Variants in LRRC41 observed in about 807,000 individuals in gnomAD.
The protein encoded by LRRC41 is leucine-rich repeat-containing protein 41.
LRRC41 carries 17 observed loss-of-function variants against 72.1 expected under a neutral mutation model. That is an observed-to-expected ratio of 0.24 (90% CI 0.16 to 0.35). The LOEUF (loss-of-function observed/expected upper bound fraction) is 0.35, where lower values mean the gene tolerates loss of function less well. Among genes scored for constraint, LRRC41 ranks in the 10% least tolerant of loss-of-function variants. The pLI is 1.00. For missense variants in LRRC41, 759 were observed against 1,065.0 expected (o/e 0.71, Z 4.00); for synonymous variants, 427 against 431.0 (o/e 0.99, Z 0.11).
Position 46,280,174 on chromosome 1 carries a change from T to A in LRRC41, c.2020+18A>T. ...GTGAAGACCCAGGAAATGTCCAGGT[T>A]CTGAATAAGGAACTTACCTTGCAGA... On this transcript the variant is annotated intron_variant, in intron 7 of 9. Transcript: ENST00000617190. 1 of 1,597,600 alleles carries A rather than the reference T, an allele frequency of 6.3e-7. No individual in the cohort carries two copies.
Position 46,286,353 on chromosome 1 carries a change from G to A in LRRC41, c.504C>T (p.Thr168=). The change falls in exon 4 of 10, where the codon ACC becomes ACT. Residue 168 remains threonine, a synonymous_variant. Coordinates refer to ENST00000617190, the MANE Select transcript of LRRC41 (RefSeq NM_006369.5). The surrounding 1 kb of genome is among the most constrained non-coding windows in gnomAD (Gnocchi z 5.5). Reference sequence around the variant, plus strand: ...TTGCACCCTGCAGCATGTTACAGATGGTGAGCTGTCGGACATGGCGGGAGC... The same window carrying A: ...TTGCACCCTGCAGCATGTTACAGATAGTGAGCTGTCGGACATGGCGGGAGC... ...LHSSRHVRQL[T]ICNMLQGATE... 1 of 1,614,248 alleles carries A rather than the reference G, an allele frequency of 6.2e-7. No individual in the cohort carries two copies. Among genetic ancestry groups the A allele is most frequent in the Non-Finnish European group, 8.5e-7 (1 of 1,180,050 alleles).
chr1:46,277,647 C>A lies in LRRC41; in HGVS notation c.*1218G>T, dbSNP rs1375600202. On this transcript the variant is annotated 3_prime_UTR_variant, in exon 10 of 10. Transcript: ENST00000617190. Reference sequence around the variant, plus strand: ...TCATGTCATGTTCTCAGGAGACAGACTGGGAAAATGGACCTCAGCTGAGTA... The same window carrying A: ...TCATGTCATGTTCTCAGGAGACAGAATGGGAAAATGGACCTCAGCTGAGTA... 1.3e-6 allele frequency: 1 copy of A among 752,588 alleles called. No individual in the cohort carries two copies. The highest frequency in any genetic ancestry group is 2.2e-6 in the Non-Finnish European group (1 of 455,964). The allele number at this position is 752,588 out of a possible 1,614,324, so 46.6% of individuals were successfully genotyped here.
intron 2 of LRRC41, among the ~76,000 whole-genome samples, 166 bp downstream of exon 2, chr1:46,298,118 C>T (rs1240896808): frequency 2.0e-5 from 3 of 152,100 alleles, no homozygotes; most frequent in African/African-American, 7.2e-5. Context: ...ATATACTTGG[C>T]TTTGTGTTTC....
At chr1:46,291,122 G>A (rs1219228380) in intron 3 of LRRC41, among the ~76,000 whole-genome samples, 1 of 151,050 alleles carries the variant, frequency 6.6e-6, no homozygotes, top group East Asian at 1.9e-4. Context: ...ATGGGGTTTC[G>A]CCATGTTGGC....
rs777555246 is a variant in LRRC41, at chr1:46,278,021, C to G, written c.*844G>C. 4.3e-6 allele frequency: 7 copies of G among 1,614,082 alleles called. No individual in the cohort carries two copies. Among genetic ancestry groups the G allele is most frequent in the South Asian group, 1.1e-5 (1 of 91,074 alleles). On this transcript the variant is annotated 3_prime_UTR_variant, in exon 10 of 10. Transcript: ENST00000617190. Reference sequence around the variant, plus strand: ...AACCATTATCTCTAAGCTACCCACACAGTAGGGAGATGGGATCTGTAGTGA... The same window carrying G: ...AACCATTATCTCTAAGCTACCCACAGAGTAGGGAGATGGGATCTGTAGTGA...
At chr1:46,296,342 G>A (rs1032473136) in intron 3 of LRRC41, among the ~76,000 whole-genome samples, 19 of 152,156 alleles carry the variant, frequency 1.2e-4, no homozygotes, top group African/African-American at 4.3e-4. Context: ...GCTTGAACCC[G>A]GGAGGCAGAG....
chr1:46,284,782 G>A (rs372566857), intron 4 of LRRC41, among the ~76,000 whole-genome samples: 1 of 152,126 alleles, frequency 6.6e-6, no homozygotes, highest in East Asian at 1.9e-4. Context: ...CACAGTGAAG[G>A]TTCATACGAG....
chr1:46,303,259 T>C lies in LRRC41; in HGVS notation c.64A>G (p.Thr22Ala). 2 of 1,547,336 alleles carry C rather than the reference T, an allele frequency of 1.3e-6. No individual in the cohort carries two copies. Among genetic ancestry groups the C allele is most frequent in the Non-Finnish European group, 1.7e-6 (2 of 1,147,524 alleles). The stretch of plus-strand genomic sequence containing the variant: ...GCCTCCCGGGACGTGGCCTCCATGG[T>C]CGTTGCCGCCGCTACCTCACAGAAC... ...CWFCEVAAAT[T>A]MEATSREAAP... The change falls in exon 1 of 10, where the codon ACC becomes GCC. Residue 22 changes from threonine to alanine, a missense_variant. Thr to Ala is a moderately conservative substitution (Grantham distance 58). Coordinates refer to ENST00000617190, the MANE Select transcript of LRRC41 (RefSeq NM_006369.5).
At position 46,285,182 on chromosome 1, in the gene LRRC41, T is replaced by C. The variant is rs1660859052; in HGVS notation, c.1495+180A>G. Reference sequence around the variant, plus strand: ...TGCTTTCAACAACTAATCAAGTGTATAGACTTTATGTTCCTCTCTTCTAGC... The same window carrying C: ...TGCTTTCAACAACTAATCAAGTGTACAGACTTTATGTTCCTCTCTTCTAGC... On this transcript the variant is annotated intron_variant, in intron 4 of 9. Coordinates refer to ENST00000617190, the MANE Select transcript of LRRC41 (RefSeq NM_006369.5). This position sits in a 1 kb window ranked among gnomAD's most constrained non-coding sequence, Gnocchi z 5.3. The C allele has an allele frequency of 4.6e-6, 3 of 650,430 alleles. No individual in the cohort carries two copies. Among genetic ancestry groups the C allele is most frequent in the African/African-American group, 1.8e-5 (1 of 54,940 alleles). 40.3% of individuals were successfully genotyped at this position (650,430 alleles called of 1,614,324 possible).
intron 2 of LRRC41, among the ~76,000 whole-genome samples, 166 bp from the exon 3 acceptor site, chr1:46,297,799 C>T (rs1661153672): frequency 6.6e-6 from 1 of 152,158 alleles, no homozygotes; most frequent in Non-Finnish European, 1.5e-5. Flanking sequence ...AACTACACTC[C>T]AGCTATGTGA....
In LRRC41 at chr1:46,281,180, A is replaced by G. The variant is rs1660767008; in HGVS notation, c.1701T>C (p.Gly567=). The G allele has an allele frequency of 6.2e-7, 1 of 1,614,166 alleles. No individual in the cohort carries two copies. Among genetic ancestry groups the G allele is most frequent in the Non-Finnish European group, 8.5e-7 (1 of 1,180,000 alleles). The part of the protein sequence containing the change: ...VDHPSQRDNP[G]VPGNAGPPSH... Reference sequence around the variant, plus strand: ...TAGGGGGCCCTGCATTCCCTGGCACACCAGGGTTGTCCCGCTGGCTTGGGT... The same window carrying G: ...TAGGGGGCCCTGCATTCCCTGGCACGCCAGGGTTGTCCCGCTGGCTTGGGT... Residue 567 remains glycine, a synonymous_variant, in exon 5 of 10, where the codon GGT becomes GGC. Coordinates refer to ENST00000617190, the MANE Select transcript of LRRC41 (RefSeq NM_006369.5).
In LRRC41 at chr1:46,279,734, T is replaced by C; in HGVS notation, c.2021-120A>G. ...ATAGAGGCCCAAAAAGAGGAAGGAA[T>C]TTGTCTAGACTCCAAGCAAGGCTGG... On this transcript the variant is annotated intron_variant, in intron 7 of 9. Coordinates refer to ENST00000617190, the MANE Select transcript of LRRC41 (RefSeq NM_006369.5). This position sits in a 1 kb window ranked among gnomAD's most constrained non-coding sequence, Gnocchi z 4.5. 1.7e-6 allele frequency: 2 copies of C among 1,202,554 alleles called. No homozygotes were observed. Among genetic ancestry groups the C allele is most frequent in the East Asian group, 2.3e-5 (1 of 42,606 alleles). The allele number at this position is 1,202,554 out of a possible 1,614,324, so 74.5% of individuals were successfully genotyped here. A position where few individuals can be genotyped will look rare whatever the true frequency, so the allele number is the denominator to read the frequency against.
At chr1:46,301,152 G>C (rs1422178108) in intron 1 of LRRC41, among the ~76,000 whole-genome samples, 1 of 152,036 alleles carries the variant, frequency 6.6e-6, no homozygotes, top group Non-Finnish European at 1.5e-5. Context: ...ATCTCTTCTT[G>C]CAGCCACAGG....
At chr1:46,280,365 C>T in intron 6 of LRRC41, 31 bp downstream of exon 6, 2 of 1,614,118 alleles carry the variant, frequency 1.2e-6, no homozygotes, top group Non-Finnish European at 1.7e-6. Flanking sequence ...CCACCTACTC[C>T]TCTCCCTTCA....
At position 46,286,546 on chromosome 1, in the gene LRRC41, CTG is replaced by C. The variant is rs768561377; in HGVS notation, c.358-49_358-48del. 641 of 1,524,222 alleles carry C rather than the reference CTG, an allele frequency of 4.2e-4. No homozygotes were observed. The highest frequency in any genetic ancestry group is 7.1e-4 in the Middle Eastern group (4 of 5,660). The allele number at this position is 1,524,222 out of a possible 1,614,324, so 94.4% of individuals were successfully genotyped here. The stretch of plus-strand genomic sequence containing the variant: ...AGACAGCCATGATATATCCATGAAA[CTG>C]TCCAAATTTCCCTCTCTTCCAATAG... On this transcript the variant is annotated intron_variant, in intron 3 of 9. Coordinates refer to ENST00000617190, the MANE Select transcript of LRRC41 (RefSeq NM_006369.5). The surrounding 1 kb of genome is among the most constrained non-coding windows in gnomAD (Gnocchi z 5.5).
At chr1:46,282,076 CAAA>C (rs11284020) in intron 4 of LRRC41, among the ~76,000 whole-genome samples, 2 of 118,596 alleles carry the variant, frequency 1.7e-5, no homozygotes, top group Admixed American at 9.0e-5. Context: ...AAGACTGTCT[CAAA>C]AAAAAAAAAA....
chr1:46,297,813 T>C (rs1327148903), intron 2 of LRRC41, among the ~76,000 whole-genome samples, 180 bp from the exon 3 acceptor site: 3 of 152,232 alleles, frequency 2.0e-5, no homozygotes, highest in Non-Finnish European at 4.4e-5. Flanking sequence ...TATGTGACTT[T>C]GCGCAAGTTA....
chr1:46,297,185 C>T (rs959037933), intron 3 of LRRC41: 1 of 169,596 alleles, frequency 5.9e-6, no homozygotes, highest in African/African-American at 2.4e-5. Flanking sequence ...ACTAATCATA[C>T]TCCTTTATCC....
Position 46,303,414 on chromosome 1 carries a change from A to G in LRRC41, c.-92T>C. ...GGACGGCTCCATAAGCGATATGGGG[A>G]AGAATGTGAATTATTCTAAAGAAAT... On this transcript the variant is annotated 5_prime_UTR_variant, in exon 1 of 10. Coordinates refer to ENST00000617190, the MANE Select transcript of LRRC41 (RefSeq NM_006369.5). The G allele has an allele frequency of 8.5e-7, 1 of 1,173,326 alleles. No homozygotes were observed. Among genetic ancestry groups the G allele is most frequent in the Non-Finnish European group, 1.2e-6 (1 of 863,442 alleles). 72.7% of individuals were successfully genotyped at this position (1,173,326 alleles called of 1,614,324 possible).
Sources: allele counts gnomAD v4.1 joint callset (sites outside exome capture counted in the v4.1 genomes callset), GRCh38; gene constraint gnomAD v4.1.1; non-coding constraint Gnocchi (gnomAD v3.1); transcripts MANE v1.5; gene names NCBI Gene and HGNC (gene_info 2026-07-23, HGNC 2026-07-21).